Variants in TMEM51 observed in about 807,000 individuals in gnomAD.
The protein encoded by TMEM51 is chromosome 1 open reading frame 72.
TMEM51 carries 8 observed loss-of-function variants against 13.6 expected under a neutral mutation model. That is an observed-to-expected ratio of 0.59 (90% confidence interval 0.35 to 1.07). The LOEUF (loss-of-function observed/expected upper bound fraction) is 1.07, where lower values mean the gene tolerates loss of function less well. Among genes scored for constraint, TMEM51 ranks in the 50% least tolerant of loss-of-function variants. The pLI, the probability that TMEM51 is intolerant of heterozygous loss-of-function variation, is 0.02. For missense variants in TMEM51, 279 were observed against 330.7 expected, an observed-to-expected ratio of 0.84 and a Z score of 1.21; for synonymous variants, 147 against 144.4, an observed-to-expected ratio of 1.02 and a Z score of -0.13.
chr1:15,193,536 G>A (rs1643976156), intron 1 of TMEM51, among the ~76,000 whole-genome samples: 1 of 151,768 alleles, frequency 6.6e-6, no homozygotes. Context: ...AGAAGTGGCT[G>A]GGGAAGTAGA....
At position 15,167,305 on chromosome 1, in the gene TMEM51, C is replaced by T. The variant is rs527545129; in HGVS notation, c.-267+13351C>T. Among the ~76,000 whole-genome samples, 349 of 114,410 alleles carry T rather than the reference C, an allele frequency of 3.1e-3. 4 individuals are homozygous for T. In the Middle Eastern group the frequency reaches 0.064, roughly 21 times the overall value. 75.1% of individuals were successfully genotyped at this position (114,410 alleles called of 152,430 possible). A position where few individuals can be genotyped will look rare whatever the true frequency, so the allele number is the denominator to read the frequency against. On this transcript the variant is annotated intron_variant, in intron 1 of 3. Transcript: ENST00000376008. ...TGACGCCACTGCACTCCAGCCTGGGCGACAGAGCGAGACTCCATCTCAAAA... is the reference window on the plus strand; with the variant it reads ...TGACGCCACTGCACTCCAGCCTGGGTGACAGAGCGAGACTCCATCTCAAAA...
In TMEM51 at chr1:15,219,592, G is replaced by A. The variant is rs777216395; in HGVS notation, c.611G>A (p.Arg204Gln). The A allele has an allele frequency of 1.2e-5, 20 of 1,614,062 alleles. No homozygotes were observed. Among genetic ancestry groups the A allele is most frequent in the South Asian group, 2.2e-5 (2 of 91,082 alleles). Reference sequence around the variant, plus strand: ...AAACGACTGAAACCGCTGAAAGTTCGAAGGATTAAATCTGAAAAGCTTCAC... The same window carrying A: ...AAACGACTGAAACCGCTGAAAGTTCAAAGGATTAAATCTGAAAAGCTTCAC... Reference protein sequence around the residue: ...LAKRLKPLKVRRIKSEKLHLK... With the variant: ...LAKRLKPLKVQRIKSEKLHLK... Residue 204 changes from arginine (R) to glutamine (Q), a missense_variant, in exon 4 of 4, where the codon CGA becomes CAA. Coordinates refer to ENST00000376008, the MANE Select transcript of TMEM51 (RefSeq NM_001136218.2).
intron 1 of TMEM51, among the ~76,000 whole-genome samples, chr1:15,165,977 C>G (rs1227575681): frequency 6.6e-6 from 1 of 151,926 alleles, no homozygotes; most frequent in Non-Finnish European, 1.5e-5. Flanking sequence ...CAGCAATATC[C>G]CATTTTTGTA....
At chr1:15,182,964 T>C (rs557371455) in intron 1 of TMEM51, among the ~76,000 whole-genome samples, 9 of 152,292 alleles carry the variant, frequency 5.9e-5, no homozygotes, top group African/African-American at 2.2e-4. Context: ...AGTTTCACCA[T>C]GTTGGCCAGG....
chr1:15,183,350 G>A (rs904764388), intron 1 of TMEM51, among the ~76,000 whole-genome samples: 34 of 152,206 alleles, frequency 2.2e-4, no homozygotes, highest in Admixed American at 1.8e-3. Context: ...ATCGTGCAGA[G>A]GTAAAAGGTA....
chr1:15,191,345 C>A (rs1235948390), intron 1 of TMEM51, among the ~76,000 whole-genome samples: 1 of 152,208 alleles, frequency 6.6e-6, no homozygotes, highest in African/African-American at 2.4e-5. Flanking sequence ...CTTTGTGTTG[C>A]TTGAAGCCAC....
chr1:15,198,261 C>G (rs2100300866), intron 1 of TMEM51, among the ~76,000 whole-genome samples: 1 of 152,254 alleles, frequency 6.6e-6, no homozygotes, highest in South Asian at 2.1e-4. Flanking sequence ...TGCTTATATC[C>G]CATTGGCCAG....
At chr1:15,216,724 C>T (rs1373742318) in intron 3 of TMEM51, among the ~76,000 whole-genome samples, 5 of 152,172 alleles carry the variant, frequency 3.3e-5, no homozygotes, top group African/African-American at 1.2e-4. Context: ...TAAAAAACCA[C>T]CTACTGAGTT....
At chr1:15,184,301 AGGTGT>A (rs1643705257) in intron 1 of TMEM51, among the ~76,000 whole-genome samples, 1 of 152,210 alleles carries the variant, frequency 6.6e-6, no homozygotes, top group Non-Finnish European at 1.5e-5. Flanking sequence ...CTGGGATTAC[AGGTGT>A]GAACCACCAC....
chr1:15,199,566 CTG>C (rs1360651532), intron 1 of TMEM51, among the ~76,000 whole-genome samples: 1 of 152,174 alleles, frequency 6.6e-6, no homozygotes. Flanking sequence ...GAAGAGGAAA[CTG>C]AGATTCTGAG....
chr1:15,168,874 T>G, intron 1 of TMEM51: 1 of 1,189,514 alleles, frequency 8.4e-7, no homozygotes, highest in Non-Finnish European at 1.1e-6. Context: ...ACTACCCTTA[T>G]TAGAGTCAAT....
At chr1:15,189,308 G>C (rs1228541198) in intron 1 of TMEM51, among the ~76,000 whole-genome samples, 1 of 145,936 alleles carries the variant, frequency 6.9e-6, no homozygotes, top group Non-Finnish European at 1.5e-5. Flanking sequence ...CACCTGCCTC[G>C]GCCTCCCAAA....
chr1:15,171,124 A>ACC, intron 1 of TMEM51: 1 of 368,250 alleles, frequency 2.7e-6, no homozygotes, highest in Non-Finnish European at 4.0e-6. Context: ...CACATCCCCC[A>ACC]CCCCCAGTTG....
chr1:15,204,871 T>C (rs551582264), intron 1 of TMEM51, among the ~76,000 whole-genome samples: 17 of 152,174 alleles, frequency 1.1e-4, no homozygotes, highest in Non-Finnish European at 2.2e-4. Flanking sequence ...GGTCAGAGCC[T>C]GTGCTTAGCC....
intron 1 of TMEM51, among the ~76,000 whole-genome samples, chr1:15,199,280 A>C (rs971977574): frequency 6.6e-6 from 1 of 151,908 alleles, no homozygotes; most frequent in African/African-American, 2.4e-5. Flanking sequence ...TTACAGGCGC[A>C]CGCCACCATG....
chr1:15,154,131 C>T (rs1187135631), intron 1 of TMEM51, among the ~76,000 whole-genome samples, 177 bp downstream of exon 1: 1 of 152,062 alleles, frequency 6.6e-6, no homozygotes, highest in Non-Finnish European at 1.5e-5. Flanking sequence ...GCACCCTCTG[C>T]GGCCGCGCCC....
chr1:15,182,303 T>A lies in TMEM51; in HGVS notation c.-266-28187T>A, dbSNP rs576389640. Reference sequence around the variant, plus strand: ...CTTCTTGGCTGCATGACCTTGAGAATGTGTCACTCTTCCTCTGTGAGCCTC... The same window carrying A: ...CTTCTTGGCTGCATGACCTTGAGAAAGTGTCACTCTTCCTCTGTGAGCCTC... On this transcript the variant is annotated intron_variant, in intron 1 of 3. Transcript: ENST00000376008. Among the ~76,000 whole-genome samples the A allele has an allele frequency of 2.6e-5, 4 of 152,322 alleles. No homozygotes were observed. In the East Asian group the frequency reaches 7.7e-4, roughly 29 times the overall value.
At chr1:15,208,440 C>G (rs1014919237) in intron 1 of TMEM51, among the ~76,000 whole-genome samples, 2 of 151,910 alleles carry the variant, frequency 1.3e-5, no homozygotes, top group African/African-American at 4.8e-5. Context: ...CTGGGCAACA[C>G]AGCAAGATTC....
chr1:15,181,711 G>A (rs1326876279), intron 1 of TMEM51, among the ~76,000 whole-genome samples: 1 of 152,158 alleles, frequency 6.6e-6, no homozygotes, highest in Non-Finnish European at 1.5e-5. Flanking sequence ...TTGTATGCTT[G>A]CTTTAGTGTT....
Sources: allele counts gnomAD v4.1 joint callset (sites outside exome capture counted in the v4.1 genomes callset), GRCh38; gene constraint gnomAD v4.1.1; transcripts MANE v1.5; gene names NCBI Gene and HGNC (gene_info 2026-07-23, HGNC 2026-07-21).